IL1RAPL1: variants seen among roughly 807,000 people sequenced by gnomAD.
The protein encoded by IL1RAPL1 is interleukin 1 receptor accessory protein like 1, also known as interleukin-1 receptor accessory protein-like 1.
In IL1RAPL1, 3 loss-of-function variants were observed where a neutral mutation model predicts 48.4. The observed-to-expected ratio is 0.06, with a 90% confidence interval of 0.03 to 0.16. IL1RAPL1 has a LOEUF of 0.16. Among genes scored for constraint, IL1RAPL1 ranks in the 10% least tolerant of loss-of-function variants. The probability of loss-of-function intolerance (pLI) is 1.00; values close to 1 mark genes in which losing one functional copy is unlikely to be tolerated. For synonymous variants in IL1RAPL1, 185 were observed against 187.7 expected (o/e 0.99, Z 0.12); for missense variants, 349 against 530.6 (o/e 0.66, Z 3.36).
Position 29,954,602 on chromosome X carries a change from C to T in IL1RAPL1, c.1282C>T (p.Arg428Cys), listed in dbSNP as rs755377142. ...QWNQETGEEE[R>C]FALEILPDML... ...GAATCAAGAGACTGGGGAAGAAGAA[C>T]GTTTTGCCCTTGAAATCCTACCTGA... is the stretch of plus-strand genomic sequence containing the variant. The change falls in exon 10 of 11, where the codon CGT (arginine) becomes TGT (cysteine). Residue 428 changes from arginine (R) to cysteine (C), a missense_variant. Transcript: ENST00000378993. 8.3e-7 allele frequency: 1 copy of T among 1,201,335 alleles called. No homozygotes were observed. Among genetic ancestry groups the T allele is most frequent in the South Asian group, 1.8e-5 (1 of 56,746 alleles).
intron 1 of IL1RAPL1, among the ~76,000 whole-genome samples, chrX:28,762,817 CACACACAG>C (rs1485817672): frequency 3.7e-3 from 157 of 42,014 alleles, no homozygotes; most frequent in African/African-American, 0.01. Flanking sequence ...CACACACACA[CACACACAG>C]AGAGAGAGAG....
intron 9 of IL1RAPL1, among the ~76,000 whole-genome samples, chrX:29,949,656 T>A (rs978977337): frequency 1.8e-5 from 2 of 112,168 alleles, no homozygotes; most frequent in African/African-American, 6.5e-5. Context: ...TAAATGAAAG[T>A]TGAATTTAAA....
chrX:29,241,684 T>C (rs1191782544), intron 2 of IL1RAPL1, among the ~76,000 whole-genome samples: 7 of 112,293 alleles, frequency 6.2e-5, no homozygotes, highest in African/African-American at 2.3e-4. Flanking sequence ...GCTACTTTAC[T>C]GTTTTCTGAG....
At chrX:28,704,969 A>G (rs1252174356) in intron 1 of IL1RAPL1, among the ~76,000 whole-genome samples, 2 of 111,198 alleles carry the variant, frequency 1.8e-5, no homozygotes, top group Non-Finnish European at 3.8e-5. Flanking sequence ...TAAATATAAT[A>G]GGAATCCATT....
At chrX:28,896,799 C>T (rs533702782) in intron 2 of IL1RAPL1, among the ~76,000 whole-genome samples, 8 of 109,476 alleles carry the variant, frequency 7.3e-5, no homozygotes, top group East Asian at 5.8e-4. Context: ...AGATTTGGGA[C>T]GAGTTGCATT....
intron 1 of IL1RAPL1, among the ~76,000 whole-genome samples, chrX:28,725,123 TG>T (rs1318034397): frequency 9.1e-6 from 1 of 109,436 alleles, no homozygotes; most frequent in Non-Finnish European, 1.9e-5. Flanking sequence ...GCTAATTTTT[TG>T]TATTTTTAGT....
At chrX:29,214,267 T>TA (rs921887040) in intron 2 of IL1RAPL1, among the ~76,000 whole-genome samples, 3 of 111,599 alleles carry the variant, frequency 2.7e-5, no homozygotes, top group African/African-American at 9.8e-5. Flanking sequence ...TCCATTATTT[T>TA]AAAAAATTAT....
rs191139908 is a variant in IL1RAPL1 at position 29,599,992 on chromosome X, G to A, written c.704-68438G>A. ...TGCATCCTTGATTAACTTAACAATC[G>A]ACCTGAATTCTTTGAATTCTTTTAC... On this transcript the variant is annotated intron_variant, in intron 5 of 10. Coordinates refer to ENST00000378993, the MANE Select transcript of IL1RAPL1 (RefSeq NM_014271.4). Among the ~76,000 whole-genome samples, 387 of 111,840 alleles carry A rather than the reference G, an allele frequency of 3.5e-3. 3 individuals carry two copies. Among genetic ancestry groups the A allele is most frequent in the African/African-American group, 0.012 (371 of 30,827 alleles).
chrX:29,828,929 G>A (rs1386074197), intron 6 of IL1RAPL1, among the ~76,000 whole-genome samples: 1 of 109,802 alleles, frequency 9.1e-6, no homozygotes, highest in African/African-American at 3.3e-5. Flanking sequence ...AAGAGGGTAC[G>A]AGAAGGTCAG....
intron 2 of IL1RAPL1, among the ~76,000 whole-genome samples, chrX:28,981,692 A>G (rs1375231601): frequency 9.0e-6 from 1 of 111,666 alleles, no homozygotes; most frequent in East Asian, 2.8e-4. Context: ...TGAATGTGGT[A>G]AAAATGCAGA....
chrX:29,222,564 CTTTTA>C (rs1039209840), intron 2 of IL1RAPL1, among the ~76,000 whole-genome samples: 3 of 111,832 alleles, frequency 2.7e-5, no homozygotes, highest in African/African-American at 6.5e-5. Flanking sequence ...TATTATTTCT[CTTTTA>C]TTTTATTCAT....
At chrX:28,652,915 A>G (rs1053528627) in intron 1 of IL1RAPL1, among the ~76,000 whole-genome samples, 5 of 110,564 alleles carry the variant, frequency 4.5e-5, no homozygotes, top group African/African-American at 1.6e-4. Flanking sequence ...AAATAAATCT[A>G]GCCTAAGTGA....
At chrX:29,749,619 C>A (rs1205953096) in intron 6 of IL1RAPL1, among the ~76,000 whole-genome samples, 1 of 111,883 alleles carries the variant, frequency 8.9e-6, no homozygotes, top group African/African-American at 3.2e-5. Context: ...GACATCAGCA[C>A]CACCACCAAT....
chrX:28,946,593 G>A (rs1473719218), intron 2 of IL1RAPL1, among the ~76,000 whole-genome samples: 2 of 111,205 alleles, frequency 1.8e-5, no homozygotes, highest in Non-Finnish European at 3.8e-5. Flanking sequence ...ATCCTCCAGT[G>A]TATGGTAATT....
chrX:29,614,988 A>G (rs147650277), intron 5 of IL1RAPL1, among the ~76,000 whole-genome samples: 12,996 of 110,875 alleles, frequency 0.12, 1,042 homozygotes, highest in African/African-American at 0.28. Flanking sequence ...AATCTTTACA[A>G]TAATATAATT....
chrX:29,908,113 G>T (rs891595060), intron 6 of IL1RAPL1, among the ~76,000 whole-genome samples: 1 of 110,507 alleles, frequency 9.0e-6, no homozygotes, highest in Non-Finnish European at 1.9e-5. Flanking sequence ...CCTCAAATTT[G>T]CCAGATTTAC....
At chrX:29,215,205 G>T (rs1930844049) in intron 2 of IL1RAPL1, among the ~76,000 whole-genome samples, 1 of 110,383 alleles carries the variant, frequency 9.1e-6, no homozygotes, top group East Asian at 2.8e-4. Context: ...AAAAAAATTA[G>T]CTGGGTGTGG....
intron 3 of IL1RAPL1, among the ~76,000 whole-genome samples, chrX:29,382,845 A>G (rs1235400437): frequency 8.9e-6 from 1 of 111,989 alleles, no homozygotes; most frequent in African/African-American, 3.2e-5. Flanking sequence ...AGGGTGTTCT[A>G]TTCATACTGA....
At chrX:28,848,400 AT>A (rs1224074242) in intron 2 of IL1RAPL1, among the ~76,000 whole-genome samples, 2 of 110,662 alleles carry the variant, frequency 1.8e-5, no homozygotes, top group African/African-American at 6.6e-5. Context: ...AGAATGAATT[AT>A]TTTTTATACA....
Sources: allele counts gnomAD v4.1 joint callset (sites outside exome capture counted in the v4.1 genomes callset), GRCh38; gene constraint gnomAD v4.1.1; transcripts MANE v1.5; gene names NCBI Gene and HGNC (gene_info 2026-07-23, HGNC 2026-07-21).